Variants in SPATA16 observed in about 807,000 individuals in gnomAD.
The protein encoded by SPATA16 is spermatogenesis-associated protein 16.
Under a neutral mutation model 63.3 loss-of-function variants are expected in SPATA16, and 36 were observed. The observed-to-expected ratio is 0.57, with a 90% CI of 0.44 to 0.75. SPATA16 has a LOEUF of 0.75. Ranked by LOEUF, SPATA16 falls within the 30% of genes least tolerant of loss-of-function variation. The pLI is 0.00. For missense variants in SPATA16, 646 were observed against 679.3 expected (o/e 0.95, Z 0.54); for synonymous variants, 203 against 216.7 (o/e 0.94, Z 0.56).
chr3:172,902,903 C>A (rs183651292), intron 10 of SPATA16, among the ~76,000 whole-genome samples: 268 of 152,324 alleles, frequency 1.8e-3, no homozygotes, highest in Non-Finnish European at 2.0e-3. Context: ...TGATCCATGT[C>A]TTCCTTTAGA....
rs376560378 is a variant in SPATA16, at chr3:173,058,651, T to C, written c.613-9557A>G. Reference sequence around the variant, plus strand: ...CCTCACCTCAAAATCAATTACTAGCTCAGTCTCCTGTGTTTATCGGCCATG... The same window carrying C: ...CCTCACCTCAAAATCAATTACTAGCCCAGTCTCCTGTGTTTATCGGCCATG... On this transcript the variant is annotated intron_variant, in intron 2 of 10. Coordinates refer to ENST00000351008, the MANE Select transcript of SPATA16 (RefSeq NM_031955.6). Among the ~76,000 whole-genome samples the C allele has an allele frequency of 8.8e-4, 134 of 152,276 alleles. No homozygotes were observed. In the South Asian group the frequency reaches 0.012, roughly 13 times the overall value.
chr3:173,043,382 T>C (rs1274170624), intron 3 of SPATA16, among the ~76,000 whole-genome samples: 1 of 151,968 alleles, frequency 6.6e-6, no homozygotes, highest in Non-Finnish European at 1.5e-5. Flanking sequence ...TATTGTACCA[T>C]TTCATGTAAA....
chr3:172,910,857 C>T (rs6784669), intron 10 of SPATA16, among the ~76,000 whole-genome samples: 11,675 of 152,206 alleles, frequency 0.077, 627 homozygotes, highest in Middle Eastern at 0.15. Context: ...GTCTTTTATC[C>T]GGAACCCCAG....
At chr3:172,954,310 A>G (rs1384258075) in intron 6 of SPATA16, among the ~76,000 whole-genome samples, 1 of 152,180 alleles carries the variant, frequency 6.6e-6, no homozygotes, top group Non-Finnish European at 1.5e-5. Flanking sequence ...TAAAACCATC[A>G]GATCATGTGA....
chr3:172,945,377 C>T (rs560006531), intron 6 of SPATA16, among the ~76,000 whole-genome samples: 1 of 152,320 alleles, frequency 6.6e-6, no homozygotes, highest in South Asian at 2.1e-4. Flanking sequence ...GATTGTCTCC[C>T]TCATGGGAAC....
intron 3 of SPATA16, among the ~76,000 whole-genome samples, chr3:173,042,512 G>A (rs1054528544): frequency 8.6e-5 from 13 of 151,980 alleles, no homozygotes; most frequent in African/African-American, 2.9e-4. Context: ...AGGCAGAAAG[G>A]CATTTTAAAA....
intron 2 of SPATA16, among the ~76,000 whole-genome samples, chr3:173,068,151 G>T (rs537033066): frequency 6.6e-6 from 1 of 152,046 alleles, no homozygotes; most frequent in African/African-American, 2.4e-5. Context: ...TCATCTGAAG[G>T]TATAAAACTC....
At chr3:173,002,285 G>C (rs1734844964) in intron 4 of SPATA16, among the ~76,000 whole-genome samples, 1 of 152,138 alleles carries the variant, frequency 6.6e-6, no homozygotes, top group Non-Finnish European at 1.5e-5. Context: ...ATATCTGTTA[G>C]TTCTTAGAAG....
At chr3:172,936,244 C>T (rs1397979840) in intron 6 of SPATA16, among the ~76,000 whole-genome samples, 2 of 152,112 alleles carry the variant, frequency 1.3e-5, no homozygotes, top group East Asian at 1.9e-4. Context: ...AACCAACCTC[C>T]AGGGAGGAAA....
At chr3:173,120,802 C>T (rs1049612098) in intron 1 of SPATA16, among the ~76,000 whole-genome samples, 3 of 152,086 alleles carry the variant, frequency 2.0e-5, no homozygotes, top group Non-Finnish European at 2.9e-5. Flanking sequence ...TCCCTCACTC[C>T]GAGCCTTTTT....
chr3:173,016,933 G>C (rs1393522170), intron 4 of SPATA16, among the ~76,000 whole-genome samples: 1 of 151,560 alleles, frequency 6.6e-6, no homozygotes, highest in East Asian at 1.9e-4. Flanking sequence ...AGAATTGCTT[G>C]AACCTGAGAG....
chr3:173,006,229 A>G (rs979207062), intron 4 of SPATA16, among the ~76,000 whole-genome samples: 1 of 152,202 alleles, frequency 6.6e-6, no homozygotes, highest in African/African-American at 2.4e-5. Flanking sequence ...GGAACAGGAA[A>G]GCCACTTAGT....
intron 10 of SPATA16, among the ~76,000 whole-genome samples, chr3:172,906,513 C>T (rs1732241031): frequency 6.6e-6 from 1 of 152,136 alleles, no homozygotes; most frequent in Admixed American, 6.5e-5. Context: ...GGTTTATAGC[C>T]AAATTCCACT....
At chr3:172,996,786 T>C (rs1383851693) in intron 4 of SPATA16, among the ~76,000 whole-genome samples, 1 of 152,170 alleles carries the variant, frequency 6.6e-6, no homozygotes, top group Non-Finnish European at 1.5e-5. Flanking sequence ...TAAAAATCTC[T>C]GTCTTTGCCT....
At chr3:172,974,351 A>T (rs114910901) in intron 5 of SPATA16, among the ~76,000 whole-genome samples, 1 of 152,090 alleles carries the variant, frequency 6.6e-6, no homozygotes, top group Non-Finnish European at 1.5e-5. Context: ...ATGGATGCCT[A>T]TAAAAGTGCA....
chr3:173,079,342 G>A (rs1331624603), intron 2 of SPATA16, among the ~76,000 whole-genome samples: 5 of 152,180 alleles, frequency 3.3e-5, no homozygotes, highest in Non-Finnish European at 1.5e-5. Flanking sequence ...AAAACCATGG[G>A]CAAGATGAAA....
chr3:173,047,226 C>A (rs977372108), intron 3 of SPATA16, among the ~76,000 whole-genome samples: 3 of 145,274 alleles, frequency 2.1e-5, no homozygotes, highest in African/African-American at 5.1e-5. Context: ...TTACTGAATT[C>A]TTGTTTACCA....
intron 1 of SPATA16, among the ~76,000 whole-genome samples, chr3:173,123,635 C>T (rs1234248005): frequency 1.3e-5 from 2 of 149,508 alleles, no homozygotes; most frequent in Non-Finnish European, 3.0e-5. Flanking sequence ...CAGAGTTTCC[C>T]TCTTATCACC....
chr3:172,977,082 C>A (rs750842780), intron 4 of SPATA16, 30 bp from the exon 5 acceptor site: 48 of 1,538,600 alleles, frequency 3.1e-5, no homozygotes, highest in African/African-American at 4.1e-5. Context: ...AAAAAAAAAA[C>A]AAAAACAAAT....
Sources: allele counts gnomAD v4.1 joint callset (sites outside exome capture counted in the v4.1 genomes callset), GRCh38; gene constraint gnomAD v4.1.1; transcripts MANE v1.5; gene names NCBI Gene and HGNC (gene_info 2026-07-23, HGNC 2026-07-21).